Variants in PMM2 observed in about 807,000 individuals in gnomAD.
PMM2 encodes mannose-6-phosphate isomerase.
A neutral mutation model predicts 33.2 loss-of-function variants in PMM2; 35 were observed. That is an observed-to-expected ratio of 1.06 (90% CI 0.81 to 1.40). PMM2 has a LOEUF of 1.40. Ranked by LOEUF, PMM2 falls within the 40% of genes most tolerant of loss-of-function variation. The pLI is 0.00. For missense variants in PMM2, 386 were observed against 306.0 expected (o/e 1.26, Z -1.95); for synonymous variants, 153 against 114.7 (o/e 1.33, Z -2.13).
chr16:8,839,660 A>G lies in PMM2; in HGVS notation c.640-8064A>G, dbSNP rs147634784. Reference sequence around the variant, plus strand: ...TACTGCTAATGTTTTTAAGTTTGTCAGTATTGATAGCGGGCTTGTCTGTAA... The same window carrying G: ...TACTGCTAATGTTTTTAAGTTTGTCGGTATTGATAGCGGGCTTGTCTGTAA... On this transcript the variant is annotated intron_variant, in intron 7 of 7. Transcript: ENST00000268261. Among the ~76,000 whole-genome samples the G allele has an allele frequency of 3.9e-3, 600 of 152,104 alleles. 8 individuals carry two copies. The highest frequency in any genetic ancestry group is 0.014 in the African/African-American group (575 of 41,508).
intron 7 of PMM2, among the ~76,000 whole-genome samples, chr16:8,834,967 C>T (rs1479502655): frequency 2.0e-5 from 3 of 152,110 alleles, no homozygotes; most frequent in African/African-American, 7.2e-5. Context: ...AGAGTGAGTA[C>T]AGCTGAAGGA....
intron 7 of PMM2, among the ~76,000 whole-genome samples, chr16:8,838,439 G>A (rs2060866976): frequency 6.6e-6 from 1 of 151,920 alleles, no homozygotes; most frequent in Admixed American, 6.6e-5. Flanking sequence ...ATAAAATAGT[G>A]TTGAAGTATT....
intron 7 of PMM2, among the ~76,000 whole-genome samples, chr16:8,834,812 G>A (rs1157821057): frequency 6.6e-6 from 1 of 152,286 alleles, no homozygotes; most frequent in African/African-American, 2.4e-5. Flanking sequence ...TGAGGAACAG[G>A]AAAGAAGGAA....
chr16:8,844,832 C>G (rs191722482), intron 7 of PMM2, among the ~76,000 whole-genome samples: 1 of 152,086 alleles, frequency 6.6e-6, no homozygotes, highest in Non-Finnish European at 1.5e-5. Flanking sequence ...AGGAGAAAGA[C>G]GGTGAGGGAT....
intron 7 of PMM2, among the ~76,000 whole-genome samples, chr16:8,842,831 G>C (rs1035825154): frequency 6.6e-6 from 1 of 152,138 alleles, no homozygotes; most frequent in African/African-American, 2.4e-5. Context: ...CTGTGGGATG[G>C]GATATTGGCG....
intron 4 of PMM2, chr16:8,809,307 A>G (rs898388947): frequency 6.6e-6 from 1 of 152,274 alleles, no homozygotes; most frequent in African/African-American, 2.4e-5. Context: ...CCCAGGCATC[A>G]GCGTTTAGAA....
At chr16:8,842,632 T>C (rs11074951) in intron 7 of PMM2, among the ~76,000 whole-genome samples, 143,718 of 152,244 alleles carry the variant, frequency 0.94, 67,993 homozygotes, top group East Asian at 0.97. Context: ...AAAGAGTGTA[T>C]GGGTTGGGCA....
chr16:8,845,119 G>C (rs539183723), intron 7 of PMM2, among the ~76,000 whole-genome samples: 3 of 152,350 alleles, frequency 2.0e-5, no homozygotes, highest in Admixed American at 6.5e-5. Flanking sequence ...GGCTGAGTCC[G>C]AAAAGAGAGT....
rs901167665 is a variant in PMM2, at chr16:8,833,994, G to A, written c.640-13730G>A. ...GCATGTATGAGTAGTTGAGAATGGC[G>A]AATAGGAATATGACTAGACAGGAGA... On this transcript the variant is annotated intron_variant, in intron 7 of 7. Transcript: ENST00000268261. 1.1e-4 allele frequency among the ~76,000 whole-genome samples: 16 copies of A among 151,774 alleles called. 1 individual carries two copies. Among genetic ancestry groups the A allele is most frequent in the East Asian group, 3.9e-4 (2 of 5,194 alleles).
chr16:8,812,931 G>T, intron 6 of PMM2, 60 bp from the exon 7 acceptor site: 1 of 933,538 alleles, frequency 1.1e-6, no homozygotes, highest in South Asian at 1.3e-5. Flanking sequence ...TTTTTTCAGT[G>T]ACATATCATT....
chr16:8,833,091 A>T (rs1027695704), intron 7 of PMM2: 61 of 186,918 alleles, frequency 3.3e-4, no homozygotes, highest in Non-Finnish European at 1.2e-4. Context: ...TGTGTGAGCA[A>T]CATGGCTGTT....
At chr16:8,833,686 C>T (rs4066787) in intron 7 of PMM2, among the ~76,000 whole-genome samples, 19,589 of 145,814 alleles carry the variant, frequency 0.13, 1,332 homozygotes, top group East Asian at 0.21. Flanking sequence ...GAAGAAACAT[C>T]TGTCGTATAG....
intron 7 of PMM2, among the ~76,000 whole-genome samples, chr16:8,831,382 G>A (rs1028985160): frequency 6.6e-6 from 1 of 151,560 alleles, no homozygotes; most frequent in Non-Finnish European, 1.5e-5. Flanking sequence ...TCCATAGCAA[G>A]AATCGACTAT....
rs1238472629 is a variant in PMM2 at position 8,847,799 on chromosome 16, A to T, written c.715A>T (p.Arg239Trp). Residue 239 changes from arginine to tryptophan, a missense_variant, in exon 8 of 8, where the codon AGG (arginine) becomes TGG (tryptophan). Arg to Trp is a moderately radical substitution (Grantham distance 101, BLOSUM62 -3). Transcript: ENST00000268261. ...YSVTAPEDTRRICELLFS is the reference protein window; with the variant it reads ...YSVTAPEDTRWICELLFS The stretch of plus-strand genomic sequence containing the variant: ...CGTGACAGCGCCTGAGGACACGCGC[A>T]GGATCTGTGAACTGCTGTTCTCCTA... 2 of 1,613,506 alleles carry T rather than the reference A, an allele frequency of 1.2e-6. No individual in the cohort carries two copies. The highest frequency in any genetic ancestry group is 1.7e-6 in the Non-Finnish European group (2 of 1,179,672).
intron 7 of PMM2, among the ~76,000 whole-genome samples, chr16:8,835,214 G>A (rs191462730): frequency 0.1 from 12,247 of 118,618 alleles, 361 homozygotes; most frequent in Middle Eastern, 0.24. Context: ...AATTCTGACC[G>A]CACTAACCAT....
At chr16:8,802,891 T>G (rs1247585157) in intron 2 of PMM2, among the ~76,000 whole-genome samples, 1 of 152,110 alleles carries the variant, frequency 6.6e-6, no homozygotes, top group African/African-American at 2.4e-5. Flanking sequence ...TTAACCCCTG[T>G]TGTCCCCAGA....
Position 8,801,778 on chromosome 16 carries a change from ATTTT to A in PMM2, c.67-20_67-17del. 6.8e-7 allele frequency: 1 copy of A among 1,475,964 alleles called. No individual in the cohort carries two copies. The highest frequency in any genetic ancestry group is 9.4e-7 in the Non-Finnish European group (1 of 1,061,484). 91.4% of individuals were successfully genotyped at this position (1,475,964 alleles called of 1,614,324 possible). A position where few individuals can be genotyped will look rare whatever the true frequency, so the allele number is the denominator to read the frequency against. On this transcript the variant is annotated splice_polypyrimidine_tract_variant and intron_variant, in intron 1 of 7. Transcript: ENST00000268261. ...TTATTGTGTGGCTTATGACTGTTGTATTTTCTTTCTTGAAATTTAGAAAATTACC... is the reference window on the plus strand; with the variant it reads ...TTATTGTGTGGCTTATGACTGTTGTACTTTCTTGAAATTTAGAAAATTACC...
At chr16:8,826,289 T>C (rs1029600538) in intron 7 of PMM2, among the ~76,000 whole-genome samples, 1 of 152,182 alleles carries the variant, frequency 6.6e-6, no homozygotes, top group Non-Finnish European at 1.5e-5. Flanking sequence ...AGAGAAGATT[T>C]TCTCTTTTAA....
intron 7 of PMM2, among the ~76,000 whole-genome samples, chr16:8,815,112 C>G (rs2060699763): frequency 6.6e-6 from 1 of 152,124 alleles, no homozygotes; most frequent in Admixed American, 6.6e-5. Flanking sequence ...GGGGCTTATT[C>G]ACTCAGTATG....
Sources: gnomAD v4.1 joint callset for allele counts (sites outside exome capture counted in the v4.1 genomes callset) on GRCh38, gnomAD v4.1.1 for gene constraint, MANE v1.5 for transcripts, NCBI Gene and HGNC (gene_info 2026-07-23, HGNC 2026-07-21) for gene names.